PPARG: variants seen among roughly 807,000 people sequenced by gnomAD.
PPARG encodes peroxisome proliferator-activated receptor gamma.
A neutral mutation model predicts 39.2 loss-of-function variants in PPARG; 17 were observed. That is an observed-to-expected ratio of 0.43 (90% CI 0.30 to 0.65). PPARG has a LOEUF of 0.65. Among genes scored for constraint, PPARG ranks in the 30% least tolerant of loss-of-function variants. The probability of loss-of-function intolerance (pLI) is 0.13; values close to 1 mark genes in which losing one functional copy is unlikely to be tolerated. For missense variants in PPARG, 406 were observed against 585.9 expected (o/e 0.69, Z 3.17); for synonymous variants, 223 against 215.7 (o/e 1.03, Z -0.30).
intron 1 of PPARG, among the ~76,000 whole-genome samples, chr3:12,310,791 TAAAAAAAAAAAAAAA>T (rs761238501): frequency 1.5e-3 from 76 of 50,364 alleles, no homozygotes; most frequent in Admixed American, 6.9e-3. Flanking sequence ...GCCTTAAATG[TAAAAAAAAAAAAAAA>T]AAAAAAAAAA....
chr3:12,362,455 G>A (rs1347020818), intron 2 of PPARG, among the ~76,000 whole-genome samples: 7 of 152,088 alleles, frequency 4.6e-5, no homozygotes, highest in African/African-American at 1.2e-4. Flanking sequence ...AGAGGTGGAC[G>A]TTGGAGTGAG....
At chr3:12,378,453 A>G (rs2049499356) in intron 2 of PPARG, among the ~76,000 whole-genome samples, 2 of 152,206 alleles carry the variant, frequency 1.3e-5, no homozygotes, top group African/African-American at 4.8e-5. Flanking sequence ...ATACAGATGT[A>G]TATGTACACA....
intron 1 of PPARG, among the ~76,000 whole-genome samples, chr3:12,293,882 C>A (rs2046712689): frequency 6.6e-6 from 1 of 152,162 alleles, no homozygotes; most frequent in Non-Finnish European, 1.5e-5. Flanking sequence ...CTTGACCACA[C>A]CCCTCTGGCT....
chr3:12,297,205 G>T (rs115973807), intron 1 of PPARG, among the ~76,000 whole-genome samples: 1 of 152,064 alleles, frequency 6.6e-6, no homozygotes, highest in African/African-American at 2.4e-5. Context: ...TTAAAATATT[G>T]TACAGTTATA....
chr3:12,287,564 C>T (rs1474709978), upstream of PPARG: 2 of 152,266 alleles, frequency 1.3e-5, no homozygotes, highest in Non-Finnish European at 2.9e-5. Flanking sequence ...CCTCGGTCTC[C>T]CCAGACCGGC....
intron 2 of PPARG, among the ~76,000 whole-genome samples, chr3:12,361,461 T>A (rs2048845262): frequency 6.6e-6 from 1 of 152,240 alleles, no homozygotes; most frequent in Admixed American, 6.5e-5. Context: ...TGTTTTTATT[T>A]TAAAAGTTTT....
chr3:12,374,497 G>T (rs777056509), intron 2 of PPARG, among the ~76,000 whole-genome samples: 6 of 152,152 alleles, frequency 3.9e-5, no homozygotes, highest in Admixed American at 2.0e-4. Flanking sequence ...TACTCAGGAG[G>T]CTGGGGCAGG....
intron 2 of PPARG, among the ~76,000 whole-genome samples, chr3:12,360,936 T>C (rs2048827026): frequency 6.6e-6 from 1 of 152,130 alleles, no homozygotes; most frequent in Non-Finnish European, 1.5e-5. Context: ...GGTAGCTATA[T>C]GCTTCAGCCA....
chr3:12,369,647 G>A lies in PPARG; in HGVS notation c.-8-10057G>A, dbSNP rs115051419. 7.2e-3 allele frequency among the ~76,000 whole-genome samples: 1,100 copies of A among 152,088 alleles called. 13 individuals are homozygous for A. The highest frequency in any genetic ancestry group is 0.012 in the Admixed American group (177 of 15,282). ...TCTCCCTCCCCTCCATCTTCACAAT[G>A]TAGTTACTTGTAATTTGGGGTTAAA... On this transcript the variant is annotated intron_variant, in intron 2 of 7. Coordinates refer to ENST00000651735, the MANE Select transcript of PPARG (RefSeq NM_138711.6).
At chr3:12,399,589 TA>T (rs199689761) in intron 5 of PPARG, 45 of 119,076 alleles carry the variant, frequency 3.8e-4, no homozygotes, top group South Asian at 7.4e-4. Flanking sequence ...CCTGTCTCTT[TA>T]AAAAAAAAAG....
intron 2 of PPARG, among the ~76,000 whole-genome samples, chr3:12,362,059 G>A (rs1164167693): frequency 6.6e-6 from 1 of 152,012 alleles, no homozygotes; most frequent in Non-Finnish European, 1.5e-5. Flanking sequence ...TTTTTCCCCT[G>A]GGTATTTGAT....
chr3:12,426,469 G>A (rs1008082127), intron 7 of PPARG, among the ~76,000 whole-genome samples: 1 of 152,058 alleles, frequency 6.6e-6, no homozygotes, highest in African/African-American at 2.4e-5. Context: ...GGCCCTGCTA[G>A]CGTTCTTATA....
At chr3:12,328,046 TTACAGA>T in intron 2 of PPARG, 1 of 1,420,962 alleles carries the variant, frequency 7.0e-7, no homozygotes, top group Non-Finnish European at 9.9e-7. Context: ...CATGCACATC[TTACAGA>T]TACAGAGATC....
chr3:12,301,210 T>G (rs1423178406), intron 1 of PPARG, among the ~76,000 whole-genome samples: 1 of 152,228 alleles, frequency 6.6e-6, no homozygotes, highest in Non-Finnish European at 1.5e-5. Context: ...TTTAATGGCC[T>G]AAGGGCCAGA....
chr3:12,373,025 T>G (rs2049277924), intron 2 of PPARG, among the ~76,000 whole-genome samples: 1 of 152,238 alleles, frequency 6.6e-6, no homozygotes, highest in African/African-American at 2.4e-5. Flanking sequence ...TTCTTGTTAC[T>G]GAGAAGGGCT....
At chr3:12,339,576 C>T (rs2048115484) in intron 2 of PPARG, among the ~76,000 whole-genome samples, 1 of 152,162 alleles carries the variant, frequency 6.6e-6, no homozygotes, top group South Asian at 2.1e-4. Flanking sequence ...GGTCAGAAGA[C>T]ACAGCTGAAA....
chr3:12,296,966 T>G (rs2046803488), intron 1 of PPARG, among the ~76,000 whole-genome samples: 1 of 152,232 alleles, frequency 6.6e-6, no homozygotes, highest in Non-Finnish European at 1.5e-5. Flanking sequence ...ATTGAAGAGA[T>G]TTACACTCAT....
At chr3:12,391,347 G>GTA (rs1167947912) in intron 4 of PPARG, among the ~76,000 whole-genome samples, 1 of 152,142 alleles carries the variant, frequency 6.6e-6, no homozygotes, top group East Asian at 1.9e-4. Context: ...CTGGAGCAGA[G>GTA]TAAAGAAGAT....
In PPARG at chr3:12,366,465, A is replaced by G. The variant is rs866236721; in HGVS notation, c.-8-13239A>G. On this transcript the variant is annotated intron_variant, in intron 2 of 7. Coordinates refer to ENST00000651735, the MANE Select transcript of PPARG (RefSeq NM_138711.6). ...TTCTTGTCTTGTTACGTTAGCTAAG[A>G]CTTCTAGTATGATGTTGAAAAGCAG... Among the ~76,000 whole-genome samples, 39 of 152,052 alleles carry G rather than the reference A, an allele frequency of 2.6e-4. No homozygotes were observed. In the Middle Eastern group the frequency reaches 0.02, roughly 80 times the overall value.
Sources: allele counts gnomAD v4.1 joint callset (sites outside exome capture counted in the v4.1 genomes callset), GRCh38; gene constraint gnomAD v4.1.1; transcripts MANE v1.5; gene names NCBI Gene and HGNC (gene_info 2026-07-23, HGNC 2026-07-21).